RYR2: variants seen among roughly 807,000 people sequenced by gnomAD.
RYR2 encodes the protein ryanodine receptor 2.
A neutral mutation model predicts 601.1 loss-of-function variants in RYR2; 227 were observed. The observed-to-expected ratio is 0.38, with a 90% CI of 0.34 to 0.42. The LOEUF (loss-of-function observed/expected upper bound fraction) is 0.42, where lower values mean the gene tolerates loss of function less well. RYR2 is among the 10% of genes least tolerant of loss of function. RYR2 has a pLI of 1.00. For missense variants in RYR2, 4,646 were observed against 6,156.5 expected, an observed-to-expected ratio of 0.75 and a Z score of 8.21; for synonymous variants, 2,223 against 2,175.1, an observed-to-expected ratio of 1.02 and a Z score of -0.61.
Position 237,604,172 on chromosome 1 carries a change from G to A in RYR2, c.4683+2061G>A, listed in dbSNP as rs1451137821. On this transcript the variant is annotated intron_variant, in intron 35 of 104. Coordinates refer to ENST00000366574, the MANE Select transcript of RYR2 (RefSeq NM_001035.3). Reference sequence around the variant, plus strand: ...TCCAAAATTGACCACATAGTTGGAAGTAAAGCACTCCTCAGCAAATGTAAA... The same window carrying A: ...TCCAAAATTGACCACATAGTTGGAAATAAAGCACTCCTCAGCAAATGTAAA... 2.6e-5 allele frequency among the ~76,000 whole-genome samples: 4 copies of A among 152,278 alleles called. No individual in the cohort carries two copies. In the East Asian group the frequency reaches 7.7e-4, roughly 29 times the overall value.
rs917951579 is a variant in RYR2 at position 237,208,088 on chromosome 1, A to G, written c.49-62409A>G. On this transcript the variant is annotated intron_variant, in intron 1 of 104. Transcript: ENST00000366574. ...CGGGAGTTGTGGTAATAGTTCATAC[A>G]CAAGGGCACGTTTGCTCTGTTGCAG... 5.9e-5 allele frequency among the ~76,000 whole-genome samples: 9 copies of G among 152,218 alleles called. No homozygotes were observed. In the East Asian group the frequency reaches 1.7e-3, roughly 29 times the overall value.
At chr1:237,681,171 A>C (rs1685845788) in intron 62 of RYR2, among the ~76,000 whole-genome samples, 1 of 152,224 alleles carries the variant, frequency 6.6e-6, no homozygotes, top group Non-Finnish European at 1.5e-5. Context: ...ATACATGAGA[A>C]TCAATTACAG....
chr1:237,389,244 T>C (rs1414961358), intron 10 of RYR2, among the ~76,000 whole-genome samples: 2 of 152,158 alleles, frequency 1.3e-5, no homozygotes, highest in Non-Finnish European at 2.9e-5. Context: ...AACAGAAATA[T>C]AAACTTAAGA....
chr1:237,708,964 G>T lies in RYR2; in HGVS notation c.10008G>T (p.Glu3336Asp), dbSNP rs753175584. The change falls in exon 69 of 105, where the codon GAG becomes GAT. Residue 3336 changes from glutamate (E) to aspartate (D), a missense_variant. Physicochemically the swap from Glu to Asp is conservative, Grantham distance 45. This residue lies in a region of RYR2 where 1,497 missense variants were observed against 1,842.6 expected (regional missense o/e 0.81). Coordinates refer to ENST00000366574, the MANE Select transcript of RYR2 (RefSeq NM_001035.3). Reference protein sequence around the residue: ...LKKKAATVVSEEDHLKAEARG... With the variant: ...LKKKAATVVSDEDHLKAEARG... ...AAAAGGCAGCTACGGTGGTGTCTGA[G>T]GAAGACCACCTGAAAGCTGAGGCCA... 6.2e-7 allele frequency: 1 copy of T among 1,613,608 alleles called. No homozygotes were observed. Among genetic ancestry groups the T allele is most frequent in the Non-Finnish European group, 8.5e-7 (1 of 1,179,666 alleles).
rs1002756471 is a variant in RYR2, at chr1:237,660,719, G to A, written c.8299-91G>A. On this transcript the variant is annotated intron_variant, in intron 55 of 104. Coordinates refer to ENST00000366574, the MANE Select transcript of RYR2 (RefSeq NM_001035.3). ...GCTATGCTCATCAAATTTTTAAAAAGTGAAGGCAGTCTATTTTAGAGCAAA... is the reference window on the plus strand; with the variant it reads ...GCTATGCTCATCAAATTTTTAAAAAATGAAGGCAGTCTATTTTAGAGCAAA... 5 of 1,158,562 alleles carry A rather than the reference G, an allele frequency of 4.3e-6. No homozygotes were observed. In the African/African-American group the frequency reaches 4.8e-5, roughly 11 times the overall value. The allele number at this position is 1,158,562 out of a possible 1,614,324, so 71.8% of individuals were successfully genotyped here. A position where few individuals can be genotyped will look rare whatever the true frequency, so the allele number is the denominator to read the frequency against.
In RYR2 at chr1:237,700,833, A is replaced by G. The variant is rs138612026; in HGVS notation, c.9367+366A>G. On this transcript the variant is annotated intron_variant, in intron 65 of 104. Transcript: ENST00000366574. ...ATGTTTTCAAATTATTTCTGAGTCA[A>G]TGTAGATTGTTTCTCCAAGCTTGAC... Among the ~76,000 whole-genome samples the G allele has an allele frequency of 6.1e-3, 922 of 152,316 alleles. 6 individuals carry two copies. Among genetic ancestry groups the G allele is most frequent in the Middle Eastern group, 0.014 (4 of 292 alleles).
intron 35 of RYR2, among the ~76,000 whole-genome samples, chr1:237,605,184 G>A (rs539196538): frequency 9.9e-5 from 15 of 152,124 alleles, no homozygotes; most frequent in Non-Finnish European, 1.6e-4. Flanking sequence ...TAAAATACTG[G>A]CAAACGGAAT....
chr1:237,200,303 G>A (rs963574069), intron 1 of RYR2, among the ~76,000 whole-genome samples: 1 of 151,346 alleles, frequency 6.6e-6, no homozygotes, highest in Non-Finnish European at 1.5e-5. Flanking sequence ...TCACTCTGTT[G>A]CCCGGGTTGG....
rs777939656 is a variant in RYR2, at chr1:237,756,412, C to A, written c.11245+25C>A. On this transcript the variant is annotated intron_variant, in intron 81 of 104. Coordinates refer to ENST00000366574, the MANE Select transcript of RYR2 (RefSeq NM_001035.3). ...GGTAAGGTTCCTTGAGTTCCCCTCA[C>A]GAGTGTCTGTTCTTCAGATTTCCTC... is the stretch of plus-strand genomic sequence containing the variant. 12 of 1,463,340 alleles carry A rather than the reference C, an allele frequency of 8.2e-6. No homozygotes were observed. The African/African-American group carries it at 1.5e-4, about 19-fold the overall frequency. 90.6% of individuals were successfully genotyped at this position (1,463,340 alleles called of 1,614,324 possible).
intron 97 of RYR2, among the ~76,000 whole-genome samples, chr1:237,798,801 C>CACACACACAT (rs3835529): frequency 0.013 from 1,908 of 148,376 alleles, 12 homozygotes; most frequent in East Asian, 0.035. Flanking sequence ...CACACACACA[C>CACACACACAT]ATATAGTGTG....
rs1559136427 is a variant in RYR2 at position 237,627,947 on chromosome 1, C to G, written c.6307C>G (p.Pro2103Ala). Residue 2103 changes from proline to alanine, a missense_variant, in exon 41 of 105, where the codon CCA becomes GCA. Coordinates refer to ENST00000366574, the MANE Select transcript of RYR2 (RefSeq NM_001035.3). ...DGIGGLVRAL[P>A]KTYTINGVSV... is the part of the protein sequence containing the mutation. ...CATTGGGGGTCTTGTTCGGGCCCTGCCAAAGACCTACACGATAAATGGTGT... is the reference window on the plus strand; with the variant it reads ...CATTGGGGGTCTTGTTCGGGCCCTGGCAAAGACCTACACGATAAATGGTGT... The G allele has an allele frequency of 1.2e-6, 2 of 1,613,172 alleles. No individual in the cohort carries two copies. Among genetic ancestry groups the G allele is most frequent in the South Asian group, 2.2e-5 (2 of 91,042 alleles).
At chr1:237,761,167 T>C (rs1198564158) in intron 84 of RYR2, 139 bp downstream of exon 84, 2 of 643,030 alleles carry the variant, frequency 3.1e-6, no homozygotes, top group Middle Eastern at 3.4e-4. Flanking sequence ...ATTTCAAAGT[T>C]CATAGTTGGA....
intron 100 of RYR2, 116 bp from the exon 101 acceptor site, chr1:237,818,920 T>A: frequency 1.1e-6 from 1 of 871,458 alleles, no homozygotes; most frequent in Non-Finnish European, 1.7e-6. Context: ...CAATATAGAA[T>A]GCAAAAATTC....
chr1:237,305,141 G>A (rs2149467700), intron 2 of RYR2, among the ~76,000 whole-genome samples: 2 of 152,226 alleles, frequency 1.3e-5, no homozygotes, highest in South Asian at 4.1e-4. Flanking sequence ...TTGTCTCTTA[G>A]GTATATATTC....
Position 237,459,745 on chromosome 1 carries a change from A to G in RYR2, c.1612+3010A>G, listed in dbSNP as rs114648405. ...TTTGGGGATTAAATTTGATTATTTT[A>G]GAACCTACAAAAGTAACATTAATAG... On this transcript the variant is annotated intron_variant, in intron 16 of 104. Coordinates refer to ENST00000366574, the MANE Select transcript of RYR2 (RefSeq NM_001035.3). Among the ~76,000 whole-genome samples, 906 of 152,322 alleles carry G rather than the reference A, an allele frequency of 5.9e-3. 9 individuals are homozygous for G. The highest frequency in any genetic ancestry group is 0.021 in the African/African-American group (861 of 41,576).
chr1:237,100,409 CAG>C (rs1471028902), intron 1 of RYR2, among the ~76,000 whole-genome samples: 3 of 151,496 alleles, frequency 2.0e-5, no homozygotes, highest in African/African-American at 7.3e-5. Flanking sequence ...CTCTCTCTCT[CAG>C]AGTCTCACTC....
chr1:237,054,150 C>T (rs533779305), intron 1 of RYR2, among the ~76,000 whole-genome samples: 1 of 151,894 alleles, frequency 6.6e-6, no homozygotes, highest in African/African-American at 2.4e-5. Flanking sequence ...ATGCCAAAGC[C>T]CTTCTTTCTC....
chr1:237,067,217 T>C (rs939307006), intron 1 of RYR2, among the ~76,000 whole-genome samples: 22 of 152,254 alleles, frequency 1.4e-4, no homozygotes, highest in Non-Finnish European at 2.8e-4. Context: ...GCCTAAGAAC[T>C]CTTTGCCAAG....
chr1:237,074,277 A>G (rs746604704), intron 1 of RYR2, among the ~76,000 whole-genome samples: 1 of 152,246 alleles, frequency 6.6e-6, no homozygotes, highest in Non-Finnish European at 1.5e-5. Flanking sequence ...CGATTATGCC[A>G]CTGCACTCTA....
Sources: allele counts gnomAD v4.1 joint callset (sites outside exome capture counted in the v4.1 genomes callset), GRCh38; gene constraint gnomAD v4.1.1; regional missense constraint gnomAD v4.1.1; transcripts MANE v1.5; gene names NCBI Gene and HGNC (gene_info 2026-07-23, HGNC 2026-07-21).